CSMD1: variants seen among roughly 807,000 people sequenced by gnomAD.
The protein encoded by CSMD1 is CUB and sushi domain-containing protein 1.
In CSMD1, 213 loss-of-function variants were observed where a neutral mutation model predicts 417.5. That is an observed-to-expected ratio of 0.51 (90% CI 0.46 to 0.57). The LOEUF (loss-of-function observed/expected upper bound fraction) is 0.57, where lower values mean the gene tolerates loss of function less well. Ranked by LOEUF, CSMD1 falls within the 20% of genes least tolerant of loss-of-function variation. The probability of loss-of-function intolerance (pLI) is 0.00; values close to 1 mark genes in which losing one functional copy is unlikely to be tolerated. For synonymous variants in CSMD1, 2,862 were observed against 1,736.8 expected (o/e 1.65, Z -16.11); for missense variants, 6,923 against 4,529.7 (o/e 1.53, Z -15.17).
chr8:3,425,688 G>A (rs1318132426), intron 12 of CSMD1, among the ~76,000 whole-genome samples: 1 of 151,888 alleles, frequency 6.6e-6, no homozygotes, highest in Non-Finnish European at 1.5e-5. Flanking sequence ...TTCTGTTGTT[G>A]TTAGTGCATT....
chr8:4,105,488 G>A (rs1801521689), intron 3 of CSMD1, among the ~76,000 whole-genome samples: 1 of 152,182 alleles, frequency 6.6e-6, no homozygotes, highest in African/African-American at 2.4e-5. Flanking sequence ...AGGAAACTAT[G>A]TTCCAGAGAT....
At chr8:4,937,044 G>C (rs931904656) in intron 1 of CSMD1, among the ~76,000 whole-genome samples, 2 of 152,142 alleles carry the variant, frequency 1.3e-5, no homozygotes, top group East Asian at 1.9e-4. Flanking sequence ...GACTCTGTCT[G>C]TATGAACAAT....
chr8:3,871,130 T>C (rs535399739), intron 5 of CSMD1, among the ~76,000 whole-genome samples: 63 of 152,260 alleles, frequency 4.1e-4, no homozygotes, highest in African/African-American at 1.5e-3. Flanking sequence ...TTCAATTTTT[T>C]AAAACAAGTA....
At chr8:3,594,844 C>T (rs530901812) in intron 8 of CSMD1, among the ~76,000 whole-genome samples, 1 of 152,288 alleles carries the variant, frequency 6.6e-6, no homozygotes, top group South Asian at 2.1e-4. Flanking sequence ...TCTCTCACAG[C>T]TTCCAGCACT....
At chr8:3,173,617 T>C (rs1820719697) in intron 37 of CSMD1, among the ~76,000 whole-genome samples, 1 of 152,194 alleles carries the variant, frequency 6.6e-6, no homozygotes, top group South Asian at 2.1e-4. Context: ...TATTACACTA[T>C]TGGATGAATG....
chr8:4,063,120 A>T (rs1431083383), intron 3 of CSMD1, among the ~76,000 whole-genome samples: 2 of 152,150 alleles, frequency 1.3e-5, no homozygotes, highest in Admixed American at 1.3e-4. Flanking sequence ...TATAGCTAAT[A>T]ATTTATTGTG....
intron 2 of CSMD1, among the ~76,000 whole-genome samples, chr8:4,438,610 C>G (rs916087138): frequency 3.9e-5 from 6 of 152,134 alleles, no homozygotes; most frequent in African/African-American, 1.4e-4. Context: ...GAATCATGCT[C>G]CTATTATTTT....
intron 3 of CSMD1, among the ~76,000 whole-genome samples, chr8:4,296,123 C>T (rs1302359373): frequency 6.6e-6 from 1 of 152,028 alleles, no homozygotes; most frequent in Non-Finnish European, 1.5e-5. Context: ...TTAATCAAAA[C>T]CACAATAAGA....
intron 1 of CSMD1, among the ~76,000 whole-genome samples, chr8:4,912,004 G>T (rs4433163): frequency 0.82 from 124,004 of 151,376 alleles, 50,902 homozygotes; most frequent in Non-Finnish European, 0.85. Flanking sequence ...GTACTCTTTT[G>T]GTCTTTCTTC....
At chr8:4,078,262 G>A (rs955408431) in intron 3 of CSMD1, among the ~76,000 whole-genome samples, 3 of 150,354 alleles carry the variant, frequency 2.0e-5, no homozygotes, top group South Asian at 2.1e-4. Context: ...ATTGCACTAT[G>A]CATTGATAAT....
At chr8:4,817,385 G>T (rs1224151190) in intron 1 of CSMD1, among the ~76,000 whole-genome samples, 1 of 152,190 alleles carries the variant, frequency 6.6e-6, no homozygotes, top group East Asian at 1.9e-4. Flanking sequence ...AATGAGGCCT[G>T]CTTGGCAACC....
At chr8:3,143,269 GT>G (rs1818616862) in intron 40 of CSMD1, among the ~76,000 whole-genome samples, 1 of 151,994 alleles carries the variant, frequency 6.6e-6, no homozygotes, top group Admixed American at 6.5e-5. Context: ...CATAGCACAA[GT>G]TTATTAGTTT....
At chr8:4,384,586 G>C (rs1379533779) in intron 3 of CSMD1, among the ~76,000 whole-genome samples, 2 of 151,996 alleles carry the variant, frequency 1.3e-5, no homozygotes, top group African/African-American at 4.8e-5. Flanking sequence ...ACTTAGAAAA[G>C]GCATACATTT....
intron 3 of CSMD1, among the ~76,000 whole-genome samples, chr8:4,385,011 C>T (rs577357604): frequency 2.0e-5 from 3 of 152,132 alleles, no homozygotes; most frequent in Non-Finnish European, 4.4e-5. Flanking sequence ...AATGCAACCT[C>T]CGTCCCCCTG....
intron 25 of CSMD1, among the ~76,000 whole-genome samples, chr8:3,293,940 T>C (rs1035353677): frequency 2.0e-5 from 3 of 152,182 alleles, no homozygotes; most frequent in African/African-American, 7.2e-5. Context: ...CTCTGTTTTT[T>C]CCCCATCTTT....
chr8:4,887,930 G>A (rs1365568104), intron 1 of CSMD1, among the ~76,000 whole-genome samples: 1 of 151,900 alleles, frequency 6.6e-6, no homozygotes, highest in Non-Finnish European at 1.5e-5. Flanking sequence ...TTTATCTAAA[G>A]TGAGTCTCAT....
chr8:3,105,286 C>G (rs1816056371), intron 46 of CSMD1, among the ~76,000 whole-genome samples: 1 of 151,486 alleles, frequency 6.6e-6, no homozygotes. Flanking sequence ...CTTCCTAAAT[C>G]GTGGGCCCTT....
chr8:4,950,408 G>A (rs759504361), intron 1 of CSMD1, among the ~76,000 whole-genome samples: 6 of 150,074 alleles, frequency 4.0e-5, no homozygotes, highest in East Asian at 2.1e-4. Flanking sequence ...ACAAACAAGC[G>A]TTTTTAGATT....
At chr8:3,069,089 A>T (rs942160687) in intron 49 of CSMD1, among the ~76,000 whole-genome samples, 9 of 152,038 alleles carry the variant, frequency 5.9e-5, no homozygotes, top group Admixed American at 6.5e-5. Flanking sequence ...GATACAATGG[A>T]GATATAGGTA....
Sources: allele counts gnomAD v4.1 joint callset (sites outside exome capture counted in the v4.1 genomes callset), GRCh38; gene constraint gnomAD v4.1.1; transcripts MANE v1.5; gene names NCBI Gene and HGNC (gene_info 2026-07-23, HGNC 2026-07-21).